Variants in SEMA6D observed in about 807,000 individuals in gnomAD.
SEMA6D encodes semaphorin-6D.
Under a neutral mutation model 106.6 loss-of-function variants are expected in SEMA6D, and 35 were observed. That is an observed-to-expected ratio of 0.33 (90% CI 0.25 to 0.44). The LOEUF is 0.44. SEMA6D is among the 20% of genes least tolerant of loss of function. SEMA6D has a pLI of 1.00. For missense variants in SEMA6D, 1,185 were observed against 1,345.9 expected (o/e 0.88, Z 1.87); for synonymous variants, 499 against 487.7 (o/e 1.02, Z -0.31).
At chr15:47,724,359 G>A (rs906184044) in intron 1 of SEMA6D, among the ~76,000 whole-genome samples, 17 of 152,224 alleles carry the variant, frequency 1.1e-4, no homozygotes, top group African/African-American at 4.1e-4. Flanking sequence ...CCAGAGGTCA[G>A]GGATCTTACT....
chr15:47,564,178 GA>G (rs1420633466), intron 3 of SEMA6D, among the ~76,000 whole-genome samples: 4 of 152,174 alleles, frequency 2.6e-5, no homozygotes, highest in African/African-American at 9.7e-5. Context: ...AAGCTCCTCT[GA>G]AAGATATTAA....
intron 3 of SEMA6D, among the ~76,000 whole-genome samples, chr15:47,550,914 A>G (rs2045666244): frequency 1.3e-5 from 2 of 152,214 alleles, no homozygotes; most frequent in South Asian, 4.1e-4. Flanking sequence ...GTAAAAGTAA[A>G]TATGGCATTA....
intron 1 of SEMA6D, among the ~76,000 whole-genome samples, chr15:47,338,878 G>C (rs34282646): frequency 0.2 from 30,305 of 152,028 alleles, 3,648 homozygotes; most frequent in African/African-American, 0.33. Context: ...TCTGATTGTA[G>C]GCTAAAATAC....
chr15:47,550,727 C>T (rs1438156881), intron 3 of SEMA6D, among the ~76,000 whole-genome samples: 1 of 152,112 alleles, frequency 6.6e-6, no homozygotes, highest in Non-Finnish European at 1.5e-5. Context: ...AAGTAATCCT[C>T]AGAGCTCATT....
chr15:47,625,326 A>T (rs2077182233), intron 4 of SEMA6D, among the ~76,000 whole-genome samples: 1 of 152,176 alleles, frequency 6.6e-6, no homozygotes, highest in Non-Finnish European at 1.5e-5. Context: ...TAGACGAGTT[A>T]TTACTGAATG....
chr15:47,518,080 TAGAG>T (rs1183451939), intron 3 of SEMA6D, among the ~76,000 whole-genome samples: 6 of 152,188 alleles, frequency 3.9e-5, no homozygotes, highest in Non-Finnish European at 7.3e-5. Context: ...TTGATAATGA[TAGAG>T]AGATTAGGAC....
chr15:47,748,166 G>C (rs1354699939), intron 1 of SEMA6D, among the ~76,000 whole-genome samples: 1 of 152,200 alleles, frequency 6.6e-6, no homozygotes, highest in Non-Finnish European at 1.5e-5. Flanking sequence ...TCTTGGTTTT[G>C]CAGCACCTGA....
intron 4 of SEMA6D, among the ~76,000 whole-genome samples, chr15:47,606,632 C>G (rs1233533321): frequency 6.6e-6 from 1 of 152,172 alleles, no homozygotes; most frequent in African/African-American, 2.4e-5. Context: ...ATGTTGGAGG[C>G]TGGCTACACA....
chr15:47,482,135 G>C (rs1456837206), intron 3 of SEMA6D, among the ~76,000 whole-genome samples: 2 of 152,134 alleles, frequency 1.3e-5, no homozygotes, highest in African/African-American at 2.4e-5. Flanking sequence ...GTCAGTAATT[G>C]ATCTCTCTAG....
chr15:47,286,759 G>T (rs570576579), intron 1 of SEMA6D, among the ~76,000 whole-genome samples: 2 of 152,122 alleles, frequency 1.3e-5, no homozygotes, highest in Admixed American at 6.6e-5. Flanking sequence ...AAAACTTCTG[G>T]TTTCTTAGGG....
chr15:47,673,713 A>G (rs1377704629), intron 4 of SEMA6D, among the ~76,000 whole-genome samples: 1 of 152,178 alleles, frequency 6.6e-6, no homozygotes, highest in African/African-American at 2.4e-5. Context: ...TGGGGGGAGA[A>G]TTAGCCTCAG....
At chr15:47,322,976 G>T (rs563978141) in intron 1 of SEMA6D, among the ~76,000 whole-genome samples, 10 of 152,232 alleles carry the variant, frequency 6.6e-5, no homozygotes, top group South Asian at 4.1e-4. Context: ...CTTAGTCTTT[G>T]TCCATCTATG....
intron 4 of SEMA6D, among the ~76,000 whole-genome samples, chr15:47,618,412 C>T (rs1274461493): frequency 6.6e-6 from 1 of 152,202 alleles, no homozygotes; most frequent in African/African-American, 2.4e-5. Context: ...GGTGCCATGG[C>T]AACACTTTCA....
chr15:47,707,402 A>C (rs1021834554), intron 4 of SEMA6D, among the ~76,000 whole-genome samples: 3 of 152,264 alleles, frequency 2.0e-5, no homozygotes, highest in African/African-American at 7.2e-5. Flanking sequence ...AGTTTCATTA[A>C]AAGTTTTAAA....
chr15:47,342,231 T>C (rs2037846644), intron 1 of SEMA6D, among the ~76,000 whole-genome samples: 1 of 152,132 alleles, frequency 6.6e-6, no homozygotes, highest in African/African-American at 2.4e-5. Context: ...TCCATCTCCT[T>C]TGTCTTCTTT....
At chr15:47,665,967 C>T (rs1246999611) in intron 4 of SEMA6D, among the ~76,000 whole-genome samples, 2 of 152,150 alleles carry the variant, frequency 1.3e-5, no homozygotes, top group South Asian at 2.1e-4. Context: ...AGAATAAACT[C>T]GGAGTTCCAG....
chr15:47,654,629 G>A (rs976982765), intron 4 of SEMA6D, among the ~76,000 whole-genome samples: 1 of 152,170 alleles, frequency 6.6e-6, no homozygotes, highest in African/African-American at 2.4e-5. Flanking sequence ...CTCAGGAATG[G>A]CTTGGGCCAT....
intron 3 of SEMA6D, among the ~76,000 whole-genome samples, chr15:47,580,092 C>G (rs2076229837): frequency 6.6e-6 from 1 of 152,134 alleles, no homozygotes; most frequent in South Asian, 2.1e-4. Flanking sequence ...TCTGAGATGA[C>G]CTTTCAAAGC....
rs1033690019 is a variant in SEMA6D at position 47,493,212 on chromosome 15, A to C, written c.-87+22667A>C. ...CAGGAATGGTGGGCACATCAGCATA[A>C]GGCACAGGTGAACAACAGCCCATTC... On this transcript the variant is annotated intron_variant, in intron 3 of 19. Coordinates refer to the SEMA6D transcript ENST00000558014. Among the ~76,000 whole-genome samples, 6 of 152,302 alleles carry C rather than the reference A, an allele frequency of 3.9e-5. No homozygotes were observed. In the South Asian group the frequency reaches 1.2e-3, roughly 32 times the overall value.
Sources: gnomAD v4.1 joint callset for allele counts (sites outside exome capture counted in the v4.1 genomes callset) on GRCh38, gnomAD v4.1.1 for gene constraint, MANE v1.5 for transcripts, NCBI Gene and HGNC (gene_info 2026-07-23, HGNC 2026-07-21) for gene names.